Variants in ESRRG observed in about 807,000 individuals in gnomAD.
The protein encoded by ESRRG is estrogen-related receptor gamma.
Under a neutral mutation model 44.0 loss-of-function variants are expected in ESRRG, and 13 were observed. The observed-to-expected ratio is 0.30, with a 90% CI of 0.19 to 0.47. The LOEUF is 0.47. Among genes scored for constraint, ESRRG ranks in the 20% least tolerant of loss-of-function variants. ESRRG has a pLI of 1.00. For synonymous variants in ESRRG, 215 were observed against 214.6 expected (o/e 1.00, Z -0.02); for missense variants, 395 against 580.6 (o/e 0.68, Z 3.29).
chr1:216,637,545 A>G (rs2065534596), intron 3 of ESRRG, among the ~76,000 whole-genome samples: 2 of 152,212 alleles, frequency 1.3e-5, no homozygotes, highest in East Asian at 3.9e-4. Flanking sequence ...TGGTAAGATT[A>G]ATTAAGAGAA....
At position 217,010,170 on chromosome 1, in the gene ESRRG, A is replaced by G. The variant is rs553718406; in HGVS notation, c.-105-70497T>C. Among the ~76,000 whole-genome samples the G allele has an allele frequency of 9.2e-5, 14 of 152,232 alleles. No homozygotes were observed. The Middle Eastern group carries it at 0.01, about 111-fold the overall frequency. ...CAGAGATGATCCCAGCCAGTCCAAA[A>G]TGAGAGGGGCAGATGTAGTCATTAA... On this transcript the variant is annotated intron_variant, in intron 1 of 7. Coordinates refer to the ESRRG transcript ENST00000359162.
At chr1:217,066,463 G>C (rs2089711820) in intron 1 of ESRRG, among the ~76,000 whole-genome samples, 1 of 151,412 alleles carries the variant, frequency 6.6e-6, no homozygotes, top group East Asian at 2.0e-4. Context: ...GGATGGTCTC[G>C]ATCTCCTGAC....
At chr1:216,706,286 T>C (rs1486603486) in intron 1 of ESRRG, among the ~76,000 whole-genome samples, 1 of 152,008 alleles carries the variant, frequency 6.6e-6, no homozygotes, top group Non-Finnish European at 1.5e-5. Flanking sequence ...TAAAGCATGT[T>C]CACAAATATT....
intron 3 of ESRRG, among the ~76,000 whole-genome samples, chr1:216,644,508 A>AACTTCCTC (rs2067121215): frequency 6.8e-6 from 1 of 146,430 alleles, no homozygotes; most frequent in African/African-American, 2.5e-5. Flanking sequence ...CACTCATTGC[A>AACTTCCTC]ACTTCCTCTT....
intron 2 of ESRRG, among the ~76,000 whole-genome samples, chr1:216,656,112 C>T (rs552239619): frequency 6.6e-6 from 1 of 152,256 alleles, no homozygotes; most frequent in African/African-American, 2.4e-5. Context: ...CAACTATGGG[C>T]ACCTGGAATG....
intron 3 of ESRRG, among the ~76,000 whole-genome samples, chr1:216,569,657 G>A (rs948461993): frequency 6.6e-6 from 1 of 152,094 alleles, no homozygotes; most frequent in African/African-American, 2.4e-5. Flanking sequence ...GCAGAAGTGA[G>A]GAGACACTCT....
At chr1:216,687,351 G>A (rs893735547) in intron 1 of ESRRG, among the ~76,000 whole-genome samples, 9 of 152,116 alleles carry the variant, frequency 5.9e-5, no homozygotes, top group Non-Finnish European at 1.3e-4. Context: ...GCGACACCAC[G>A]CTGTCAGCAA....
chr1:216,764,172 T>C (rs1280896184), intron 2 of ESRRG, among the ~76,000 whole-genome samples: 1 of 102,930 alleles, frequency 9.7e-6, no homozygotes, highest in Non-Finnish European at 1.9e-5. Flanking sequence ...AACTACCTAA[T>C]TGATTCTTTT....
intron 2 of ESRRG, chr1:216,805,380 C>CA (rs1449723376): frequency 6.6e-6 from 1 of 151,906 alleles, no homozygotes; most frequent in African/African-American, 2.4e-5. Context: ...TAGACAGTGT[C>CA]AGAGTGACAG....
chr1:217,081,692 C>T (rs28712022), intron 1 of ESRRG, among the ~76,000 whole-genome samples: 1 of 151,970 alleles, frequency 6.6e-6, no homozygotes, highest in African/African-American at 2.4e-5. Flanking sequence ...AATCATCAAG[C>T]CTTACCCTCC....
chr1:216,783,089 G>A (rs2093993265), intron 2 of ESRRG, among the ~76,000 whole-genome samples: 1 of 151,862 alleles, frequency 6.6e-6, no homozygotes, highest in Non-Finnish European at 1.5e-5. Context: ...GGGCATATCG[G>A]AATCTCACGG....
intron 2 of ESRRG, among the ~76,000 whole-genome samples, chr1:216,823,634 T>C (rs949651814): frequency 1.3e-5 from 2 of 152,224 alleles, no homozygotes; most frequent in Non-Finnish European, 2.9e-5. Context: ...CTTTCTAGGC[T>C]GACAAACACA....
At chr1:217,032,518 A>G (rs369501073) in intron 1 of ESRRG, among the ~76,000 whole-genome samples, 3 of 152,232 alleles carry the variant, frequency 2.0e-5, no homozygotes, top group South Asian at 2.1e-4. Flanking sequence ...AAATTGTTCA[A>G]TGTTGTAACT....
At chr1:216,548,305 C>A (rs1398138427) in intron 5 of ESRRG, among the ~76,000 whole-genome samples, 1 of 151,994 alleles carries the variant, frequency 6.6e-6, no homozygotes, top group Non-Finnish European at 1.5e-5. Context: ...TTTGTCTTGA[C>A]CTCTCTCTCA....
intron 2 of ESRRG, among the ~76,000 whole-genome samples, chr1:216,929,697 T>C (rs1251767642): frequency 1.3e-5 from 2 of 152,166 alleles, no homozygotes; most frequent in Non-Finnish European, 2.9e-5. Flanking sequence ...TGATGAGGCC[T>C]GAAAGGTGGG....
intron 2 of ESRRG, among the ~76,000 whole-genome samples, chr1:216,667,997 T>C (rs1049530983): frequency 9.2e-5 from 14 of 151,594 alleles, no homozygotes; most frequent in African/African-American, 3.1e-4. Flanking sequence ...CTCAGAAGGC[T>C]GAGGCAGAAG....
At chr1:217,028,474 C>A (rs981811936) in intron 1 of ESRRG, among the ~76,000 whole-genome samples, 4 of 152,144 alleles carry the variant, frequency 2.6e-5, no homozygotes, top group African/African-American at 7.2e-5. Context: ...TTCAGAGGGG[C>A]CTGAGCTTTT....
chr1:217,040,483 T>C (rs1372288016), intron 1 of ESRRG, among the ~76,000 whole-genome samples: 1 of 152,216 alleles, frequency 6.6e-6, no homozygotes, highest in Non-Finnish European at 1.5e-5. Flanking sequence ...TTCATTTTGT[T>C]ACTTCAGGAT....
chr1:216,807,831 T>G (rs536016329), intron 2 of ESRRG, among the ~76,000 whole-genome samples: 1 of 152,280 alleles, frequency 6.6e-6, no homozygotes, highest in South Asian at 2.1e-4. Context: ...GTATTAATGC[T>G]AACCATTGCT....
Sources: allele counts gnomAD v4.1 joint callset (sites outside exome capture counted in the v4.1 genomes callset), GRCh38; gene constraint gnomAD v4.1.1; transcripts MANE v1.5; gene names NCBI Gene and HGNC (gene_info 2026-07-23, HGNC 2026-07-21).